The following SYT14 variants were observed in gnomAD, a reference collection of about 807,000 sequenced individuals.
The protein encoded by SYT14 is synaptotagmin-14.
SYT14 carries 32 observed loss-of-function variants against 74.2 expected under a neutral mutation model. The observed-to-expected ratio is 0.43, with a 90% CI of 0.33 to 0.58. The LOEUF is 0.58. Ranked by LOEUF, SYT14 falls within the 20% of genes least tolerant of loss-of-function variation. The pLI is 0.05. For missense variants in SYT14, 791 were observed against 981.8 expected (o/e 0.81, Z 2.60); for synonymous variants, 298 against 337.7 (o/e 0.88, Z 1.29).
At chr1:210,140,190 T>C (rs1178598144) in intron 7 of SYT14, among the ~76,000 whole-genome samples, 6 of 152,206 alleles carry the variant, frequency 3.9e-5, no homozygotes, top group Non-Finnish European at 8.8e-5. Flanking sequence ...TGGTTTTGAT[T>C]TGTATTTCCC....
At chr1:209,950,717 CT>C (rs1261757202) in intron 1 of SYT14, among the ~76,000 whole-genome samples, 2 of 152,146 alleles carry the variant, frequency 1.3e-5, no homozygotes, top group Admixed American at 6.6e-5. Context: ...AGATGACCTA[CT>C]TTTTTTAGTG....
intron 7 of SYT14, among the ~76,000 whole-genome samples, chr1:210,103,808 A>G (rs2082113632): frequency 6.6e-6 from 1 of 152,162 alleles, no homozygotes. Flanking sequence ...TATATTGGGA[A>G]TGGAGTTAGG....
intron 8 of SYT14, among the ~76,000 whole-genome samples, chr1:210,157,888 T>C (rs1463759356): frequency 6.6e-6 from 1 of 152,204 alleles, no homozygotes; most frequent in Non-Finnish European, 1.5e-5. Context: ...CTATAATATA[T>C]TGGGTTTGCC....
At chr1:210,038,088 T>C (rs940403982) in intron 5 of SYT14, among the ~76,000 whole-genome samples, 3 of 151,846 alleles carry the variant, frequency 2.0e-5, no homozygotes, top group African/African-American at 4.8e-5. Context: ...GATCTAGTTA[T>C]GTTTGTTTTA....
intron 2 of SYT14, among the ~76,000 whole-genome samples, chr1:209,997,389 A>G (rs2079817599): frequency 6.6e-6 from 1 of 152,168 alleles, no homozygotes; most frequent in Non-Finnish European, 1.5e-5. Context: ...ACAAAAAATG[A>G]AATACCTGGG....
intron 5 of SYT14, among the ~76,000 whole-genome samples, chr1:210,052,748 G>A (rs1253100605): frequency 6.7e-6 from 1 of 148,590 alleles, no homozygotes; most frequent in Non-Finnish European, 1.5e-5. Context: ...GAGTTGACAG[G>A]CAGAAAACAT....
chr1:210,092,930 G>C (rs2081902309), intron 5 of SYT14, among the ~76,000 whole-genome samples: 1 of 152,162 alleles, frequency 6.6e-6, no homozygotes, highest in Non-Finnish European at 1.5e-5. Flanking sequence ...ATGATTTAAA[G>C]TATATGGGAG....
intron 2 of SYT14, among the ~76,000 whole-genome samples, chr1:209,980,962 T>G (rs969305537): frequency 6.6e-6 from 1 of 152,000 alleles, no homozygotes; most frequent in Admixed American, 6.6e-5. Context: ...TTTAAAATAG[T>G]TTTTTTTCTA....
chr1:210,140,832 T>G (rs2082899255), intron 7 of SYT14, among the ~76,000 whole-genome samples: 1 of 152,180 alleles, frequency 6.6e-6, no homozygotes, highest in South Asian at 2.1e-4. Context: ...ATTTCTGAAC[T>G]GTCAATTATA....
At chr1:210,114,354 A>G (rs1031767027) in intron 7 of SYT14, among the ~76,000 whole-genome samples, 1 of 151,308 alleles carries the variant, frequency 6.6e-6, no homozygotes, top group Non-Finnish European at 1.5e-5. Context: ...TGTGCTGGAG[A>G]TGTGGCTGGG....
intron 5 of SYT14, among the ~76,000 whole-genome samples, chr1:210,032,507 T>A (rs1035864675): frequency 2.0e-5 from 3 of 151,904 alleles, no homozygotes; most frequent in Non-Finnish European, 4.4e-5. Flanking sequence ...TTTCTAAAAA[T>A]GGAAGTAAAA....
intron 5 of SYT14, among the ~76,000 whole-genome samples, chr1:210,067,524 A>T (rs1383204791): frequency 6.6e-6 from 1 of 152,004 alleles, no homozygotes; most frequent in Non-Finnish European, 1.5e-5. Flanking sequence ...ATGCGTTAGA[A>T]TTTCATATTA....
chr1:209,990,538 C>CATATATATAT (rs2079648630), intron 2 of SYT14, among the ~76,000 whole-genome samples: 1 of 40,072 alleles, frequency 2.5e-5, no homozygotes, highest in Non-Finnish European at 4.5e-5. Flanking sequence ...TATATATATA[C>CATATATATAT]GTATATATAT....
chr1:210,059,858 A>T (rs1248268092), intron 5 of SYT14, among the ~76,000 whole-genome samples: 1 of 152,114 alleles, frequency 6.6e-6, no homozygotes, highest in Non-Finnish European at 1.5e-5. Context: ...TTAGTTTAAG[A>T]TGCTTTCTCT....
At chr1:210,109,453 C>A (rs1005724626) in intron 7 of SYT14, among the ~76,000 whole-genome samples, 43 of 151,854 alleles carry the variant, frequency 2.8e-4, no homozygotes, top group Non-Finnish European at 6.2e-4. Flanking sequence ...TTGCGCGCAC[C>A]TGTAGTCCCA....
At chr1:210,016,880 C>T (rs2080194884) in exon 4 of SYT14, 8 of 1,231,666 alleles carry the variant, frequency 6.5e-6, no homozygotes, top group Non-Finnish European at 8.1e-6. Context: ...AAGCAATAGG[C>T]ATATGACACA....
intron 2 of SYT14, among the ~76,000 whole-genome samples, chr1:209,955,368 T>C (rs796964823): frequency 2.0e-5 from 3 of 152,370 alleles, no homozygotes; most frequent in African/African-American, 7.2e-5. Flanking sequence ...TAGCACTGTC[T>C]ACCCAGTTAC....
At chr1:210,129,779 T>C (rs891671611) in intron 7 of SYT14, among the ~76,000 whole-genome samples, 17 of 152,188 alleles carry the variant, frequency 1.1e-4, no homozygotes, top group Non-Finnish European at 2.1e-4. Flanking sequence ...GGCTATGAGC[T>C]AAGTAAGCCC....
intron 7 of SYT14, among the ~76,000 whole-genome samples, chr1:210,104,301 T>C (rs1015318553): frequency 3.3e-5 from 5 of 152,234 alleles, no homozygotes; most frequent in Non-Finnish European, 7.3e-5. Flanking sequence ...GACTTCATTC[T>C]TGAGAAGCTT....
Sources: gnomAD v4.1 joint callset for allele counts (sites outside exome capture counted in the v4.1 genomes callset) on GRCh38, gnomAD v4.1.1 for gene constraint, MANE v1.5 for transcripts, NCBI Gene and HGNC (gene_info 2026-07-23, HGNC 2026-07-21) for gene names.